The following MDGA2 variants were observed in gnomAD, a reference collection of about 807,000 sequenced individuals.
MDGA2 encodes MAM domain-containing glycosylphosphatidylinositol anchor protein 2.
A neutral mutation model predicts 117.8 loss-of-function variants in MDGA2; 40 were observed. The ratio of observed to expected loss-of-function variants is 0.34; its 90% confidence interval spans 0.26 to 0.44. The LOEUF (loss-of-function observed/expected upper bound fraction) is 0.44. Among genes scored for constraint, MDGA2 ranks in the 20% least tolerant of loss-of-function variants. The pLI is 1.00. For missense variants in MDGA2, 1,123 were observed against 1,250.6 expected (o/e 0.90, Z 1.54); for synonymous variants, 452 against 439.0 (o/e 1.03, Z -0.37).
chr14:47,267,653 C>T (rs996808781), intron 2 of MDGA2, among the ~76,000 whole-genome samples: 1 of 152,152 alleles, frequency 6.6e-6, no homozygotes, highest in African/African-American at 2.4e-5. Flanking sequence ...CTAATGAACA[C>T]ACACATACCA....
intron 1 of MDGA2, among the ~76,000 whole-genome samples, chr14:47,377,059 A>G (rs1175763068): frequency 1.3e-5 from 2 of 152,204 alleles, no homozygotes; most frequent in African/African-American, 4.8e-5. Context: ...AATAAAAATG[A>G]AATTAACATT....
At chr14:46,946,945 A>G (rs898989751) in intron 9 of MDGA2, among the ~76,000 whole-genome samples, 9 of 152,056 alleles carry the variant, frequency 5.9e-5, no homozygotes, top group African/African-American at 2.2e-4. Flanking sequence ...TCATATTGGC[A>G]TTGACTCAAG....
chr14:47,573,660 T>G (rs1566522326), intron 1 of MDGA2, among the ~76,000 whole-genome samples: 1 of 152,204 alleles, frequency 6.6e-6, no homozygotes, highest in Non-Finnish European at 1.5e-5. Flanking sequence ...CAAGTGGTAT[T>G]AAATGTCTAT....
intron 4 of MDGA2, among the ~76,000 whole-genome samples, chr14:47,134,924 T>C (rs1882380367): frequency 6.6e-6 from 1 of 151,916 alleles, no homozygotes; most frequent in African/African-American, 2.4e-5. Flanking sequence ...TAATGAACAT[T>C]GTCATTTAGA....
chr14:47,196,320 G>A (rs1235339086), intron 3 of MDGA2, among the ~76,000 whole-genome samples: 1 of 152,118 alleles, frequency 6.6e-6, no homozygotes, highest in Non-Finnish European at 1.5e-5. Context: ...GAGGTTCTCA[G>A]TGACAAGAAT....
intron 1 of MDGA2, among the ~76,000 whole-genome samples, chr14:47,622,492 G>T (rs1373216820): frequency 6.6e-6 from 1 of 152,204 alleles, no homozygotes; most frequent in African/African-American, 2.4e-5. Context: ...GAATAAATGG[G>T]AGGTGTGTAG....
In MDGA2 at chr14:46,916,915, C is replaced by CTAACCTTTAAAAAA. The variant is rs1883922645; in HGVS notation, c.2238+3096_2238+3097insTTTTTTAAAGGTTA. Reference sequence around the variant, plus strand: ...AAAGGAGTACAGAAAAGAATGTATACAGTGGCAGGTAAAGAGTTAGCTTCA... The same window carrying CTAACCTTTAAAAAA: ...AAAGGAGTACAGAAAAGAATGTATACTAACCTTTAAAAAAAGTGGCAGGTAAAGAGTTAGCTTCA... On this transcript the variant is annotated intron_variant, in intron 10 of 16. Transcript: ENST00000399232. 2.6e-5 allele frequency among the ~76,000 whole-genome samples: 4 copies of CTAACCTTTAAAAAA among 151,996 alleles called. No individual in the cohort carries two copies. In the South Asian group the frequency reaches 6.2e-4, roughly 24 times the overall value.
chr14:47,327,567 T>C (rs1452863350), intron 1 of MDGA2, among the ~76,000 whole-genome samples: 1 of 152,180 alleles, frequency 6.6e-6, no homozygotes, highest in Non-Finnish European at 1.5e-5. Context: ...GACCAGATTA[T>C]TGCACTCGTC....
At chr14:47,501,534 C>T (rs952966904) in intron 1 of MDGA2, among the ~76,000 whole-genome samples, 2 of 152,132 alleles carry the variant, frequency 1.3e-5, no homozygotes, top group African/African-American at 2.4e-5. Flanking sequence ...TGAGTCCTAA[C>T]TCTCAATACC....
intron 7 of MDGA2, 111 bp downstream of exon 7, chr14:47,061,138 T>A: frequency 1.0e-6 from 1 of 992,276 alleles, no homozygotes; most frequent in Non-Finnish European, 1.5e-6. Context: ...AATTTTGTTT[T>A]TAGGAAACTT....
intron 1 of MDGA2, among the ~76,000 whole-genome samples, chr14:47,640,804 G>A (rs1388124684): frequency 6.6e-6 from 1 of 152,014 alleles, no homozygotes; most frequent in Non-Finnish European, 1.5e-5. Flanking sequence ...TTTCTTTTAA[G>A]AAGCCTTCCT....
In MDGA2 at chr14:47,435,795, A is replaced by G. The variant is rs544504678; in HGVS notation, c.281-134245T>C. 2.2e-4 allele frequency among the ~76,000 whole-genome samples: 34 copies of G among 152,196 alleles called. No individual in the cohort carries two copies. In the South Asian group the frequency reaches 6.4e-3, roughly 29 times the overall value. ...TGGATGATTCCACTCCCTCATGACC[A>G]GGTTACTGAAAAAGTGCCCCCTGGA... On this transcript the variant is annotated intron_variant, in intron 1 of 16. Coordinates refer to ENST00000399232, the MANE Select transcript of MDGA2 (RefSeq NM_001113498.3).
At chr14:46,878,332 T>C (rs1280366345) in intron 11 of MDGA2, among the ~76,000 whole-genome samples, 1 of 152,026 alleles carries the variant, frequency 6.6e-6, no homozygotes, top group Non-Finnish European at 1.5e-5. Context: ...CCAATCTGGA[T>C]GAAGGACAGC....
At chr14:47,059,203 T>C (rs1462649310) in intron 7 of MDGA2, 1 of 851,344 alleles carries the variant, frequency 1.2e-6, no homozygotes, top group Non-Finnish European at 1.7e-6. Flanking sequence ...ACCTTCTATG[T>C]GCCATGTATT....
chr14:47,385,972 T>C (rs890536147), intron 1 of MDGA2, among the ~76,000 whole-genome samples: 5 of 152,138 alleles, frequency 3.3e-5, no homozygotes, highest in African/African-American at 1.2e-4. Flanking sequence ...TTAGAGTATT[T>C]TTCTAATTTA....
intron 1 of MDGA2, among the ~76,000 whole-genome samples, chr14:47,615,973 C>T (rs1167264152): frequency 6.6e-6 from 1 of 152,080 alleles, no homozygotes; most frequent in African/African-American, 2.4e-5. Flanking sequence ...AAGGGGGAGG[C>T]CTTGTTCCTC....
At chr14:47,207,666 G>A (rs1467225116) in intron 3 of MDGA2, among the ~76,000 whole-genome samples, 1 of 151,932 alleles carries the variant, frequency 6.6e-6, no homozygotes, top group East Asian at 1.9e-4. Context: ...GAAAACGTTT[G>A]AAACAAACCC....
chr14:47,389,877 A>G (rs1208894523), intron 1 of MDGA2, among the ~76,000 whole-genome samples: 1 of 152,202 alleles, frequency 6.6e-6, no homozygotes, highest in Non-Finnish European at 1.5e-5. Flanking sequence ...GAGCCAAAGG[A>G]CTTTAAAAGG....
At chr14:47,321,670 A>G (rs900503577) in intron 1 of MDGA2, among the ~76,000 whole-genome samples, 2 of 152,224 alleles carry the variant, frequency 1.3e-5, no homozygotes, top group Non-Finnish European at 2.9e-5. Flanking sequence ...GAAAAAAGAA[A>G]AACTACAACA....
Sources: gnomAD v4.1 joint callset for allele counts (sites outside exome capture counted in the v4.1 genomes callset) on GRCh38, gnomAD v4.1.1 for gene constraint, MANE v1.5 for transcripts, NCBI Gene and HGNC (gene_info 2026-07-23, HGNC 2026-07-21) for gene names.